Variants in GSTO2 observed in about 807,000 individuals in gnomAD.
GSTO2 encodes glutathione S-transferase omega 2, also known as glutathione S-transferase omega-2.
In GSTO2, 23 loss-of-function variants were observed where a neutral mutation model predicts 28.4. The observed-to-expected ratio is 0.81, with a 90% confidence interval of 0.58 to 1.15. GSTO2 has a LOEUF of 1.15. Among genes scored for constraint, GSTO2 ranks in the 50% most tolerant of loss-of-function variants. The pLI is 0.00. For missense variants in GSTO2, 298 were observed against 297.8 expected (o/e 1.00, Z 0.00); for synonymous variants, 109 against 111.0 (o/e 0.98, Z 0.11).
At chr10:104,297,324 T>G in intron 5 of GSTO2, 1 of 324,460 alleles carries the variant, frequency 3.1e-6, no homozygotes, top group Non-Finnish European at 5.9e-6. Context: ...TCTTCCAGTT[T>G]CTTCAATCAG....
Position 104,274,784 on chromosome 10 carries a change from G to A in GSTO2, c.-132G>A, listed in dbSNP as rs2011547619. Reference sequence around the variant, plus strand: ...CTTCCCCGTGCCCCGCCAGAGCCCAGTAGTTCAAAAATTAAATTTGGGGCA... The same window carrying A: ...CTTCCCCGTGCCCCGCCAGAGCCCAATAGTTCAAAAATTAAATTTGGGGCA... On this transcript the variant is annotated 5_prime_UTR_variant, in exon 2 of 7. Coordinates refer to ENST00000338595, the MANE Select transcript of GSTO2 (RefSeq NM_183239.2). The A allele has an allele frequency of 9.0e-7, 1 of 1,113,920 alleles. No homozygotes were observed. Among genetic ancestry groups the A allele is most frequent in the Non-Finnish European group, 1.3e-6 (1 of 755,768 alleles). 69.0% of individuals were successfully genotyped at this position (1,113,920 alleles called of 1,614,324 possible).
intron 5 of GSTO2, among the ~76,000 whole-genome samples, chr10:104,293,823 C>T (rs1358460020): frequency 6.6e-6 from 1 of 152,040 alleles, no homozygotes; most frequent in Non-Finnish European, 1.5e-5. Flanking sequence ...TTTAAGGAAG[C>T]TTTTCATTAG....
intron 5 of GSTO2, among the ~76,000 whole-genome samples, chr10:104,283,013 C>T (rs911238387): frequency 5.3e-5 from 8 of 152,116 alleles, no homozygotes; most frequent in East Asian, 1.9e-4. Flanking sequence ...AGAAAAAGCA[C>T]GGATTTATAG....
rs755885559 is a variant in GSTO2, at chr10:104,275,264, C to T, written c.73C>T (p.Arg25Cys). ...PPGPVPEGLI[R>C]IYSMRFCPYS... Reference sequence around the variant, plus strand: ...AGGGCCAGTCCCGGAGGGGCTGATCCGCATCTACAGCATGAGGTTCTGCCC... The same window carrying T: ...AGGGCCAGTCCCGGAGGGGCTGATCTGCATCTACAGCATGAGGTTCTGCCC... The change falls in exon 3 of 7, where the codon CGC becomes TGC. Residue 25 changes from arginine to cysteine, a missense_variant. Transcript: ENST00000338595. The T allele has an allele frequency of 6.2e-7, 1 of 1,613,986 alleles. No homozygotes were observed. Among genetic ancestry groups the T allele is most frequent in the South Asian group, 1.1e-5 (1 of 91,074 alleles).
intron 3 of GSTO2, among the ~76,000 whole-genome samples, 190 bp downstream of exon 3, chr10:104,275,524 T>C (rs1045056544): frequency 6.6e-6 from 1 of 152,132 alleles, no homozygotes; most frequent in Admixed American, 6.5e-5. Context: ...GGAGCCCTTT[T>C]CCGAGTCACG....
At chr10:104,291,934 A>G (rs528597521) in intron 5 of GSTO2, among the ~76,000 whole-genome samples, 11 of 152,336 alleles carry the variant, frequency 7.2e-5, no homozygotes, top group African/African-American at 2.6e-4. Flanking sequence ...CTTCTATTGT[A>G]CTAAAGTCTC....
At position 104,302,174 on chromosome 10, in the gene GSTO2, T is replaced by A. The variant is rs1224626402; in HGVS notation, c.*2890T>A. On this transcript the variant is annotated 3_prime_UTR_variant, in exon 7 of 7. Transcript: ENST00000338595. ...TCTCATGAGAACTCACTCACTGTCA[T>A]GAGAAAAGCATAGGGAAAACACTCC... 1 of 152,108 alleles carries A rather than the reference T, an allele frequency of 6.6e-6. No homozygotes were observed. Among genetic ancestry groups the A allele is most frequent in the Non-Finnish European group, 1.5e-5 (1 of 68,022 alleles). 9.4% of individuals were successfully genotyped at this position (152,108 alleles called of 1,614,324 possible).
At chr10:104,288,018 G>A (rs2012550343) in intron 5 of GSTO2, among the ~76,000 whole-genome samples, 1 of 150,918 alleles carries the variant, frequency 6.6e-6, no homozygotes, top group African/African-American at 2.4e-5. Context: ...CTCCCAAGTA[G>A]CTGGGACTAC....
chr10:104,288,080 T>C (rs935013120), intron 5 of GSTO2, among the ~76,000 whole-genome samples: 2 of 151,822 alleles, frequency 1.3e-5, no homozygotes, highest in Admixed American at 1.3e-4. Context: ...TTAGTAGAGA[T>C]GGGGTTTCAC....
chr10:104,275,821 A>T (rs1474654539), intron 3 of GSTO2, among the ~76,000 whole-genome samples: 1 of 152,128 alleles, frequency 6.6e-6, no homozygotes, highest in Non-Finnish European at 1.5e-5. Context: ...TCTTTTATTC[A>T]TGAGCTAGGA....
intron 5 of GSTO2, among the ~76,000 whole-genome samples, chr10:104,280,162 T>A (rs1317136812): frequency 1.4e-5 from 1 of 70,812 alleles, no homozygotes; most frequent in African/African-American, 6.8e-5. Context: ...TAAGTAGGAC[T>A]GACAAAAAAA....
At chr10:104,274,591 G>A in intron 1 of GSTO2, 94 bp from the exon 2 acceptor site, 1 of 445,786 alleles carries the variant, frequency 2.2e-6, no homozygotes, top group Admixed American at 4.3e-5. Flanking sequence ...AGGGATTCTT[G>A]ATGTAGAGGA....
Position 104,274,852 on chromosome 10 carries a change from A to G in GSTO2, c.-64A>G. On this transcript the variant is annotated 5_prime_UTR_variant, in exon 2 of 7. Coordinates refer to ENST00000338595, the MANE Select transcript of GSTO2 (RefSeq NM_183239.2). ...CGCAGCTGTTTCTGGAGCCTGCGGC[A>G]GCGGTGGCGAGCCACAGGGCGGCGA... The G allele has an allele frequency of 6.4e-7, 1 of 1,566,680 alleles. No individual in the cohort carries two copies.
Position 104,274,908 on chromosome 10 carries a change from T to G in GSTO2, c.-8T>G, listed in dbSNP as rs979277666. 3.7e-6 allele frequency: 6 copies of G among 1,609,242 alleles called. No individual in the cohort carries two copies. The highest frequency in any genetic ancestry group is 5.1e-6 in the Non-Finnish European group (6 of 1,178,254). On this transcript the variant is annotated 5_prime_UTR_variant, in exon 2 of 7. Transcript: ENST00000338595. ...AGCTCCGGGAGCTGCGCAAACCACC[T>G]GGAGACCATGTCTGGGGATGCGACC...
intron 5 of GSTO2, 55 bp from the exon 6 acceptor site, chr10:104,297,522 TA>T: frequency 8.9e-7 from 1 of 1,124,438 alleles, no homozygotes; most frequent in Non-Finnish European, 1.3e-6. Context: ...TTAGTGTCTA[TA>T]AACATGTCAG....
chr10:104,288,706 A>G (rs963958749), intron 5 of GSTO2, among the ~76,000 whole-genome samples: 6 of 152,222 alleles, frequency 3.9e-5, no homozygotes, highest in Non-Finnish European at 7.3e-5. Context: ...TGTTCAGTTC[A>G]GGGGCTTTGC....
At chr10:104,289,390 C>T (rs1466635210) in intron 5 of GSTO2, among the ~76,000 whole-genome samples, 1 of 152,146 alleles carries the variant, frequency 6.6e-6, no homozygotes, top group Non-Finnish European at 1.5e-5. Context: ...GCCACCACAC[C>T]CAGCCCTACA....
At chr10:104,290,522 A>T (rs773051180) in intron 5 of GSTO2, among the ~76,000 whole-genome samples, 1 of 152,096 alleles carries the variant, frequency 6.6e-6, no homozygotes, top group Non-Finnish European at 1.5e-5. Context: ...AAAAAGAAAA[A>T]AGAAAATATA....
At chr10:104,276,054 G>A (rs1276180434) in intron 3 of GSTO2, among the ~76,000 whole-genome samples, 2 of 152,284 alleles carry the variant, frequency 1.3e-5, no homozygotes, top group Non-Finnish European at 1.5e-5. Context: ...CTGGGATGTG[G>A]ACTGCATAAT....
Sources: gnomAD v4.1 joint callset for allele counts (sites outside exome capture counted in the v4.1 genomes callset) on GRCh38, gnomAD v4.1.1 for gene constraint, MANE v1.5 for transcripts, NCBI Gene and HGNC (gene_info 2026-07-23, HGNC 2026-07-21) for gene names.